The following RNF26 variants were observed in gnomAD, a reference collection of about 807,000 sequenced individuals.
RNF26 encodes E3 ubiquitin-protein ligase RNF26.
RNF26 carries 8 observed loss-of-function variants against 25.4 expected under a neutral mutation model. The ratio of observed to expected loss-of-function variants is 0.31; its 90% CI spans 0.18 to 0.57. The LOEUF (loss-of-function observed/expected upper bound fraction) is 0.57, where lower values mean the gene tolerates loss of function less well. RNF26 is among the 20% of genes least tolerant of loss of function. The pLI is 0.90. For synonymous variants in RNF26, 262 were observed against 246.7 expected (o/e 1.06, Z -0.58); for missense variants, 470 against 552.0 (o/e 0.85, Z 1.49).
rs1465041249 is a variant in RNF26 at position 119,335,256 on chromosome 11, A to C, written c.134A>C (p.Asn45Thr). Residue 45 changes from asparagine (N) to threonine (T), a missense_variant, in exon 1 of 1, where the codon AAC becomes ACC. Physicochemically the swap from Asn to Thr is moderately conservative, Grantham distance 65. Transcript: ENST00000311413. Reference protein sequence around the residue: ...SLAWLLAFVYNLPHTVLTSLL... With the variant: ...SLAWLLAFVYTLPHTVLTSLL... ...GCCTGGCTCCTGGCCTTCGTCTACA[A>C]CCTGCCGCACACGGTACTGACTAGT... 1 of 1,613,798 alleles carries C rather than the reference A, an allele frequency of 6.2e-7. No individual in the cohort carries two copies. Among genetic ancestry groups the C allele is most frequent in the Admixed American group, 1.7e-5 (1 of 59,982 alleles).
rs1950434024 is a variant in RNF26, at chr11:119,335,362, G to A, written c.240G>A (p.Leu80=). The A allele has an allele frequency of 6.2e-7, 1 of 1,614,206 alleles. No homozygotes were observed. Among genetic ancestry groups the A allele is most frequent in the Non-Finnish European group, 8.5e-7 (1 of 1,180,034 alleles). ...TGGTCCGGTTCACATGTGGGGGCTT[G>A]CAGGCCTTGTGTACTCTGCTGTATA... ...EAVVRFTCGG[L]QALCTLLYSC... The change falls in exon 1 of 1, where the codon TTG becomes TTA. Residue 80 remains leucine (L), a synonymous_variant. Coordinates refer to ENST00000311413, the MANE Select transcript of RNF26 (RefSeq NM_032015.5).
rs772599409 is a variant in RNF26 at position 119,335,696 on chromosome 11, T to G, written c.574T>G (p.Ser192Ala). 12 of 1,614,070 alleles carry G rather than the reference T, an allele frequency of 7.4e-6. No homozygotes were observed. In the Admixed American group the frequency reaches 1.2e-4, roughly 16 times the overall value. Residue 192 changes from serine to alanine, a missense_variant, in exon 1 of 1, where the codon TCC becomes GCC. Transcript: ENST00000311413. Reference protein sequence around the residue: ...DVVAAFLAHISSSAVAMAILL... With the variant: ...DVVAAFLAHIASSAVAMAILL... ...AGTGGCTGCCTTCCTAGCCCACATT[T>G]CCAGCAGTGCTGTGGCCATGGCCAT...
In RNF26 at chr11:119,335,118, C is replaced by G. The variant is rs577065906; in HGVS notation, c.-5C>G. The G allele has an allele frequency of 6.2e-7, 1 of 1,610,282 alleles. No homozygotes were observed. The highest frequency in any genetic ancestry group is 1.1e-5 in the South Asian group (1 of 90,796). On this transcript the variant is annotated 5_prime_UTR_variant, in exon 1 of 1. Transcript: ENST00000311413. ...TTGTTTTGGACTAACTTCCATAGCC[C>G]TATCATGGAGGCAGTGTACCTGGTA... is the stretch of plus-strand genomic sequence containing the variant.
Position 119,334,776 on chromosome 11 carries a change from CG to C in RNF26, c.-345del, listed in dbSNP as rs3842643. 97,011 of 355,860 alleles carry C rather than the reference CG, an allele frequency of 0.27. 15,063 individuals carry two copies. The highest frequency in any genetic ancestry group is 0.49 in the South Asian group (16,588 of 33,860). 22.0% of individuals were successfully genotyped at this position (355,860 alleles called of 1,614,324 possible). ...ATTCCATCCGTTCCTCGTCTCCTCC[CG>C]GTCTGACCCGTTGCCCGGCCGTGGT... On this transcript the variant is annotated 5_prime_UTR_variant, in exon 1 of 1. Transcript: ENST00000311413.
Position 119,337,105 on chromosome 11 carries a change from A to G in RNF26, c.*681A>G. ...CAGCTCACTGGGAGTCTCAGGAGGG[A>G]TAACCGGATTTCTGCTCTTTCCCCT... On this transcript the variant is annotated 3_prime_UTR_variant, in exon 1 of 1. Coordinates refer to ENST00000311413, the MANE Select transcript of RNF26 (RefSeq NM_032015.5). 5.9e-6 allele frequency: 1 copy of G among 169,576 alleles called. No individual in the cohort carries two copies. The allele number at this position is 169,576 out of a possible 1,614,324, so 10.5% of individuals were successfully genotyped here. A position where few individuals can be genotyped will look rare whatever the true frequency, so the allele number is the denominator to read the frequency against.
chr11:119,336,115 G>A lies in RNF26; in HGVS notation c.993G>A (p.Ala331=), dbSNP rs772953887. Residue 331 remains alanine, a synonymous_variant, in exon 1 of 1, where the codon GCG becomes GCA. Transcript: ENST00000311413. The part of the protein sequence containing the change: ...RTRRQDTLPE[A]GRRSEAEEEE... ...GGAGACAGGACACTCTTCCTGAAGC[G>A]GGGCGCAGATCAGAGGCAGAAGAGG... 13 of 1,614,064 alleles carry A rather than the reference G, an allele frequency of 8.1e-6. No individual in the cohort carries two copies. Among genetic ancestry groups the A allele is most frequent in the East Asian group, 2.2e-5 (1 of 44,896 alleles).
Position 119,335,590 on chromosome 11 carries a change from C to T in RNF26, c.468C>T (p.Leu156=), listed in dbSNP as rs1467866710. The T allele has an allele frequency of 6.2e-7, 1 of 1,613,220 alleles. No homozygotes were observed. Among genetic ancestry groups the T allele is most frequent in the Non-Finnish European group, 8.5e-7 (1 of 1,179,346 alleles). ...TCAACAGCCTGGTCAACATCTGCCT[C>T]ATCGGCACTCAGAACCTCTTTTCCC... ...YVINSLVNIC[L]IGTQNLFSLV... Residue 156 remains leucine (L), a synonymous_variant, in exon 1 of 1, where the codon CTC becomes CTT. Transcript: ENST00000311413.
chr11:119,336,616 C>G lies in RNF26; in HGVS notation c.*192C>G. Reference sequence around the variant, plus strand: ...GCAGGATAACATGGCTTCTCTTTACCCAGTGGGTCCCTTCGATGCTGAGGG... The same window carrying G: ...GCAGGATAACATGGCTTCTCTTTACGCAGTGGGTCCCTTCGATGCTGAGGG... On this transcript the variant is annotated 3_prime_UTR_variant, in exon 1 of 1. Coordinates refer to ENST00000311413, the MANE Select transcript of RNF26 (RefSeq NM_032015.5). 3.2e-6 allele frequency: 2 copies of G among 617,154 alleles called. No individual in the cohort carries two copies. The highest frequency in any genetic ancestry group is 5.9e-6 in the Non-Finnish European group (2 of 340,656). The allele number at this position is 617,154 out of a possible 1,614,324, so 38.2% of individuals were successfully genotyped here. A position where few individuals can be genotyped will look rare whatever the true frequency, so the allele number is the denominator to read the frequency against.
Position 119,335,815 on chromosome 11 carries a change from G to T in RNF26, c.693G>T (p.Leu231Phe). Residue 231 changes from leucine (L) to phenylalanine (F), a missense_variant, in exon 1 of 1, where the codon TTG becomes TTT. Physicochemically the swap from Leu to Phe is conservative, Grantham distance 22 (BLOSUM62 0). Transcript: ENST00000311413. ...TTGTGCTTGTCAATCTCACTGGCTT[G>T]GTGTTGCTAGCTTGTGTGCTGGCAG... Reference protein sequence around the residue: ...ASFVLVNLTGLVLLACVLAVT... With the variant: ...ASFVLVNLTGFVLLACVLAVT... 6.2e-7 allele frequency: 1 copy of T among 1,612,798 alleles called. No individual in the cohort carries two copies. The highest frequency in any genetic ancestry group is 1.6e-4 in the Middle Eastern group (1 of 6,062).
chr11:119,334,812 C>A lies in RNF26; in HGVS notation c.-311C>A. On this transcript the variant is annotated 5_prime_UTR_variant, in exon 1 of 1. Coordinates refer to ENST00000311413, the MANE Select transcript of RNF26 (RefSeq NM_032015.5). ...GTTGCCCGGCCGTGGTTCGCCACACCAGGCATCCAAAGCTGAGGTCGCTCC... is the reference window on the plus strand; with the variant it reads ...GTTGCCCGGCCGTGGTTCGCCACACAAGGCATCCAAAGCTGAGGTCGCTCC... 1 of 426,580 alleles carries A rather than the reference C, an allele frequency of 2.3e-6. No homozygotes were observed. The highest frequency in any genetic ancestry group is 4.3e-6 in the Non-Finnish European group (1 of 234,820). 26.4% of individuals were successfully genotyped at this position (426,580 alleles called of 1,614,324 possible).
rs1950446839 is a variant in RNF26 at position 119,337,217 on chromosome 11, TC to T, written c.*795del. The T allele has an allele frequency of 5.9e-6, 1 of 169,004 alleles. No homozygotes were observed. Among genetic ancestry groups the T allele is most frequent in the African/African-American group, 2.4e-5 (1 of 41,436 alleles). 10.5% of individuals were successfully genotyped at this position (169,004 alleles called of 1,614,324 possible). On this transcript the variant is annotated 3_prime_UTR_variant, in exon 1 of 1. Transcript: ENST00000311413. The stretch of plus-strand genomic sequence containing the variant: ...GCAGACTGTGCACATTTCACTAGGG[TC>T]CAAATACAGAAGGGCCCAGGGCCCA...
At position 119,335,912 on chromosome 11, in the gene RNF26, C is replaced by G. The variant is rs375540920; in HGVS notation, c.790C>G (p.Arg264Gly). Residue 264 changes from arginine to glycine, a missense_variant, in exon 1 of 1, where the codon CGG (arginine) becomes GGG (glycine). Transcript: ENST00000311413. ...ATQALSQLHA[R>G]PSYHRLREDV... The stretch of plus-strand genomic sequence containing the variant: ...CCAGGCACTCAGCCAGCTCCATGCC[C>G]GGCCATCCTACCACCGTCTTCGAGA... 5.6e-6 allele frequency: 9 copies of G among 1,610,058 alleles called. No homozygotes were observed. In the South Asian group the frequency reaches 6.6e-5, roughly 12 times the overall value.
Position 119,335,890 on chromosome 11 carries a change from G to T in RNF26, c.768G>T (p.Gln256His). The T allele has an allele frequency of 7.5e-6, 12 of 1,609,768 alleles. No individual in the cohort carries two copies. Among genetic ancestry groups the T allele is most frequent in the Non-Finnish European group, 1.0e-5 (12 of 1,180,014 alleles). Residue 256 changes from glutamine to histidine, a missense_variant, in exon 1 of 1, where the codon CAG becomes CAT. Transcript: ENST00000311413. The part of the protein sequence containing the change: ...HPDFTLRLAT[Q>H]ALSQLHARPS... The stretch of plus-strand genomic sequence containing the variant: ...ACTTCACCCTGAGGCTGGCTACCCA[G>T]GCACTCAGCCAGCTCCATGCCCGGC...
In RNF26 at chr11:119,335,472, G is replaced by A. The variant is rs1453094213; in HGVS notation, c.350G>A (p.Arg117Gln). 3 of 1,613,388 alleles carry A rather than the reference G, an allele frequency of 1.9e-6. No homozygotes were observed. The highest frequency in any genetic ancestry group is 2.5e-6 in the Non-Finnish European group (3 of 1,179,582). Residue 117 changes from arginine (R) to glutamine (Q), a missense_variant, in exon 1 of 1, where the codon CGG (arginine) becomes CAG (glutamine). Transcript: ENST00000311413. ...GALRSREILH[R>Q]GVLNVVSSGH... is the part of the protein sequence containing the mutation. ...CTGCGGAGCAGGGAGATACTGCACCGGGGCGTCCTCAATGTGGTCTCCAGT... is the reference window on the plus strand; with the variant it reads ...CTGCGGAGCAGGGAGATACTGCACCAGGGCGTCCTCAATGTGGTCTCCAGT...
At position 119,335,999 on chromosome 11, in the gene RNF26, CGCA is replaced by C; in HGVS notation, c.879_881del (p.Ser294del). ...AGAGGCCTGGCGCCGAGTCTGGAGC[CGCA>C]GTCTGCAGCTGGCGAGTTGGCCAAA... On this transcript the variant is annotated inframe_deletion, in exon 1 of 1. Transcript: ENST00000311413. 6.2e-7 allele frequency: 1 copy of C among 1,613,274 alleles called. No individual in the cohort carries two copies. Among genetic ancestry groups the C allele is most frequent in the Non-Finnish European group, 8.5e-7 (1 of 1,180,006 alleles).
rs144926793 is a variant in RNF26 at position 119,337,259 on chromosome 11, G to A, written c.*835G>A. On this transcript the variant is annotated 3_prime_UTR_variant, in exon 1 of 1. Transcript: ENST00000311413. ...CCAGGGCCCAGGGGCTTGCAGCTTC[G>A]TGAGGGGTCTCTGGCCCAGTTTCCA... The A allele has an allele frequency of 2.4e-5, 4 of 169,482 alleles. No homozygotes were observed. Among genetic ancestry groups the A allele is most frequent in the East Asian group, 1.9e-4 (1 of 5,202 alleles). The allele number at this position is 169,482 out of a possible 1,614,324, so 10.5% of individuals were successfully genotyped here.
In RNF26 at chr11:119,335,519, G is replaced by A; in HGVS notation, c.397G>A (p.Ala133Thr). The change falls in exon 1 of 1, where the codon GCC becomes ACC. Residue 133 changes from alanine (A) to threonine (T), a missense_variant. Ala to Thr is a moderately conservative substitution (Grantham distance 58). Transcript: ENST00000311413. ...CAGTGGCCATGCTTTGCTGCGCCAG[G>A]CCTGTGACATCTGTGCCATTGCCAT... ...VSSGHALLRQ[A>T]CDICAIAMSL... The A allele has an allele frequency of 6.2e-7, 1 of 1,613,836 alleles. No homozygotes were observed.
At position 119,335,547 on chromosome 11, in the gene RNF26, G is replaced by T; in HGVS notation, c.425G>T (p.Ser142Ile). The change falls in exon 1 of 1, where the codon AGC becomes ATC. Residue 142 changes from serine to isoleucine, a missense_variant. Coordinates refer to ENST00000311413, the MANE Select transcript of RNF26 (RefSeq NM_032015.5). ...TGTGACATCTGTGCCATTGCCATGA[G>T]CCTGGTGGCTTATGTGATCAACAGC... ...QACDICAIAM[S>I]LVAYVINSLV... 6.2e-7 allele frequency: 1 copy of T among 1,614,050 alleles called. No homozygotes were observed. The highest frequency in any genetic ancestry group is 8.5e-7 in the Non-Finnish European group (1 of 1,179,958).
rs781000062 is a variant in RNF26, at chr11:119,336,120, G to T, written c.998G>T (p.Arg333Leu). ...CAGGACACTCTTCCTGAAGCGGGGC[G>T]CAGATCAGAGGCAGAAGAGGAGGAG... ...RRQDTLPEAGRRSEAEEEEAR... is the reference protein window; with the variant it reads ...RRQDTLPEAGLRSEAEEEEAR... Residue 333 changes from arginine to leucine, a missense_variant, in exon 1 of 1, where the codon CGC (arginine) becomes CTC (leucine). Transcript: ENST00000311413. 53 of 1,614,152 alleles carry T rather than the reference G, an allele frequency of 3.3e-5. No individual in the cohort carries two copies. The highest frequency in any genetic ancestry group is 4.3e-5 in the Non-Finnish European group (51 of 1,180,042).
Sources: allele counts gnomAD v4.1 joint callset, GRCh38; gene constraint gnomAD v4.1.1; transcripts MANE v1.5; gene names NCBI Gene and HGNC (gene_info 2026-07-23, HGNC 2026-07-21).